TRAF3: variants seen among roughly 807,000 people sequenced by gnomAD.
TRAF3 encodes the protein TNF receptor associated factor 3.
A neutral mutation model predicts 62.3 loss-of-function variants in TRAF3; 13 were observed. The ratio of observed to expected loss-of-function variants is 0.21; its 90% confidence interval spans 0.14 to 0.33. TRAF3 has a LOEUF of 0.33. TRAF3 is among the 10% of genes least tolerant of loss of function. The pLI is 1.00. For synonymous variants in TRAF3, 269 were observed against 283.4 expected, an observed-to-expected ratio of 0.95 and a Z score of 0.51; for missense variants, 440 against 741.8, an observed-to-expected ratio of 0.59 and a Z score of 4.73.
At chr14:102,805,287 A>G (rs1898703412) in intron 1 of TRAF3, among the ~76,000 whole-genome samples, 2 of 152,214 alleles carry the variant, frequency 1.3e-5, no homozygotes, top group Admixed American at 6.5e-5. Flanking sequence ...TGGGAAGGAA[A>G]AAGGTAAAAC....
intron 2 of TRAF3, among the ~76,000 whole-genome samples, chr14:102,855,145 T>A (rs978770442): frequency 6.6e-6 from 1 of 152,202 alleles, no homozygotes; most frequent in African/African-American, 2.4e-5. Flanking sequence ...TTCATCCATG[T>A]TGTAGCATGA....
chr14:102,812,696 G>A (rs1214097641), intron 1 of TRAF3, among the ~76,000 whole-genome samples: 1 of 151,918 alleles, frequency 6.6e-6, no homozygotes, highest in Non-Finnish European at 1.5e-5. Context: ...GAGGGGGGCG[G>A]ATCACGAGGT....
chr14:102,792,140 T>TTTA (rs140558715), intron 1 of TRAF3, among the ~76,000 whole-genome samples: 2 of 140,302 alleles, frequency 1.4e-5, no homozygotes, highest in African/African-American at 2.8e-5. Context: ...TTTTTTTTTT[T>TTTA]ATCAGACCAG....
At chr14:102,807,338 C>T (rs1014303466) in intron 1 of TRAF3, among the ~76,000 whole-genome samples, 1 of 152,216 alleles carries the variant, frequency 6.6e-6, no homozygotes, top group Admixed American at 6.5e-5. Context: ...GCTGCCTTGT[C>T]CTCCTTTCTC....
intron 1 of TRAF3, among the ~76,000 whole-genome samples, chr14:102,782,767 A>G (rs1897319660): frequency 6.6e-6 from 1 of 152,126 alleles, no homozygotes; most frequent in Admixed American, 6.5e-5. Flanking sequence ...TTCTACCAAG[A>G]AAGATATGGC....
At chr14:102,857,003 T>C (rs1200912724) in intron 2 of TRAF3, among the ~76,000 whole-genome samples, 1 of 152,110 alleles carries the variant, frequency 6.6e-6, no homozygotes, top group African/African-American at 2.4e-5. Flanking sequence ...ACACAAAGAG[T>C]ACAACAGCAA....
chr14:102,901,371 C>T (rs3783386), intron 10 of TRAF3, among the ~76,000 whole-genome samples: 56,510 of 152,062 alleles, frequency 0.37, 13,704 homozygotes, highest in African/African-American at 0.68. Context: ...TTACAAAGGG[C>T]GTCTCTCAGA....
intron 1 of TRAF3, among the ~76,000 whole-genome samples, chr14:102,822,073 T>G (rs1357944492): frequency 1.3e-5 from 2 of 152,122 alleles, no homozygotes; most frequent in Non-Finnish European, 2.9e-5. Flanking sequence ...AATAAAAGAC[T>G]GAGGGTTTTT....
intron 2 of TRAF3, among the ~76,000 whole-genome samples, chr14:102,867,144 A>G (rs1888046547): frequency 6.6e-6 from 1 of 152,172 alleles, no homozygotes; most frequent in Non-Finnish European, 1.5e-5. Context: ...GCACTCATTT[A>G]CAAAACTGGC....
intron 2 of TRAF3, among the ~76,000 whole-genome samples, chr14:102,868,086 C>A (rs1282678252): frequency 1.3e-5 from 2 of 152,204 alleles, no homozygotes; most frequent in Non-Finnish European, 2.9e-5. Context: ...CCAGGATGCC[C>A]AGGAGCTCAG....
intron 7 of TRAF3, among the ~76,000 whole-genome samples, chr14:102,888,956 G>A (rs1889557325): frequency 6.6e-6 from 1 of 152,176 alleles, no homozygotes; most frequent in Non-Finnish European, 1.5e-5. Context: ...CCATCAATTA[G>A]AGTTGACAGT....
intron 1 of TRAF3, among the ~76,000 whole-genome samples, chr14:102,808,177 C>G (rs970596826): frequency 1.3e-5 from 2 of 152,118 alleles, no homozygotes; most frequent in Non-Finnish European, 1.5e-5. Context: ...CAGGCTGATA[C>G]TGGAGCATTC....
At chr14:102,884,876 TC>T (rs1194882072) in intron 6 of TRAF3, among the ~76,000 whole-genome samples, 3 of 152,036 alleles carry the variant, frequency 2.0e-5, no homozygotes, top group Non-Finnish European at 4.4e-5. Context: ...GAATTGCAGG[TC>T]CCACTCACCC....
rs554130293 is a variant in TRAF3 at position 102,886,498 on chromosome 14, G to A, written c.651+229G>A. Among the ~76,000 whole-genome samples, 3 of 152,304 alleles carry A rather than the reference G, an allele frequency of 2.0e-5. No individual in the cohort carries two copies. In the East Asian group the frequency reaches 5.8e-4, roughly 29 times the overall value. On this transcript the variant is annotated intron_variant, in intron 7 of 11. Transcript: ENST00000392745. ...TGGCCGGGCACAGTGGCTCACACCTGTAATCCCAGCACTTTTGGAGGCCTA... is the reference window on the plus strand; with the variant it reads ...TGGCCGGGCACAGTGGCTCACACCTATAATCCCAGCACTTTTGGAGGCCTA...
At chr14:102,885,203 T>G (rs924351124) in intron 6 of TRAF3, among the ~76,000 whole-genome samples, 2 of 152,174 alleles carry the variant, frequency 1.3e-5, no homozygotes, top group East Asian at 3.8e-4. Context: ...GAGGACGAGC[T>G]TCCCTCGGGT....
At chr14:102,901,435 G>C (rs1566809147) in intron 10 of TRAF3, among the ~76,000 whole-genome samples, 1 of 152,202 alleles carries the variant, frequency 6.6e-6, no homozygotes. Context: ...GAGCACCCCT[G>C]CCAGCTCAGT....
chr14:102,879,589 A>G (rs1050384527), intron 6 of TRAF3, among the ~76,000 whole-genome samples: 18 of 151,544 alleles, frequency 1.2e-4, no homozygotes, highest in Non-Finnish European at 1.9e-4. Context: ...ATTTAGGGAG[A>G]GTTTCTTTTG....
At chr14:102,900,986 A>G (rs1890268049) in intron 10 of TRAF3, among the ~76,000 whole-genome samples, 1 of 152,236 alleles carries the variant, frequency 6.6e-6, no homozygotes, top group Non-Finnish European at 1.5e-5. Flanking sequence ...TGCGTTTTAG[A>G]GAACACTTGA....
chr14:102,860,396 A>G (rs1887612434), intron 2 of TRAF3, among the ~76,000 whole-genome samples: 1 of 152,206 alleles, frequency 6.6e-6, no homozygotes, highest in South Asian at 2.1e-4. Flanking sequence ...TTTTTCCCAA[A>G]ACAGGGTATG....
Sources: allele counts gnomAD v4.1 joint callset (sites outside exome capture counted in the v4.1 genomes callset), GRCh38; gene constraint gnomAD v4.1.1; transcripts MANE v1.5; gene names NCBI Gene and HGNC (gene_info 2026-07-23, HGNC 2026-07-21).